DGKI: variants seen among roughly 807,000 people sequenced by gnomAD.
DGKI encodes the protein DAG kinase iota.
A neutral mutation model predicts 147.5 loss-of-function variants in DGKI; 55 were observed. The ratio of observed to expected loss-of-function variants is 0.37; its 90% confidence interval spans 0.30 to 0.47. The LOEUF is 0.47. Among genes scored for constraint, DGKI ranks in the 20% least tolerant of loss-of-function variants. The pLI is 1.00. For missense variants in DGKI, 1,007 were observed against 1,323.8 expected (o/e 0.76, Z 3.71); for synonymous variants, 469 against 477.1 (o/e 0.98, Z 0.22).
intron 3 of DGKI, among the ~76,000 whole-genome samples, chr7:137,670,367 C>A (rs894462373): frequency 3.3e-5 from 5 of 152,150 alleles, no homozygotes; most frequent in African/African-American, 9.7e-5. Flanking sequence ...GCACTTGGTA[C>A]CAAATTATAA....
chr7:137,608,292 CAG>C (rs1820249318), intron 10 of DGKI, among the ~76,000 whole-genome samples: 1 of 152,108 alleles, frequency 6.6e-6, no homozygotes, highest in African/African-American at 2.4e-5. Context: ...TAAGAAGCCT[CAG>C]AGAGTGGGAA....
intron 3 of DGKI, among the ~76,000 whole-genome samples, chr7:137,678,299 T>C (rs1823107130): frequency 6.6e-6 from 1 of 152,082 alleles, no homozygotes; most frequent in African/African-American, 2.4e-5. Flanking sequence ...CACAACAACC[T>C]ACCCTGGGCA....
At chr7:137,799,149 T>C (rs762402654) in intron 1 of DGKI, among the ~76,000 whole-genome samples, 3 of 152,176 alleles carry the variant, frequency 2.0e-5, no homozygotes, top group Non-Finnish European at 4.4e-5. Flanking sequence ...TACTGGTATA[T>C]TCATACAATT....
chr7:137,427,857 G>A (rs986557755), intron 28 of DGKI, among the ~76,000 whole-genome samples: 23 of 152,036 alleles, frequency 1.5e-4, no homozygotes, highest in African/African-American at 5.6e-4. Context: ...CCAGGAAGAA[G>A]TTGAATCTCT....
intron 1 of DGKI, among the ~76,000 whole-genome samples, chr7:137,803,059 G>C (rs1797262039): frequency 1.3e-5 from 2 of 152,210 alleles, no homozygotes; most frequent in South Asian, 4.1e-4. Context: ...AGGGAATCCA[G>C]AGGAAAGGCC....
chr7:137,441,248 G>C (rs137869411), intron 28 of DGKI, among the ~76,000 whole-genome samples: 1 of 151,536 alleles, frequency 6.6e-6, no homozygotes, highest in Non-Finnish European at 1.5e-5. Context: ...GTGAAACCCC[G>C]TCTCTACTAA....
intron 1 of DGKI, among the ~76,000 whole-genome samples, chr7:137,728,316 C>G (rs967876918): frequency 2.6e-5 from 4 of 152,118 alleles, no homozygotes; most frequent in African/African-American, 9.7e-5. Flanking sequence ...ACCACAAGCT[C>G]AGAAACCAGA....
intron 1 of DGKI, among the ~76,000 whole-genome samples, chr7:137,736,652 T>C (rs1226491151): frequency 1.3e-5 from 2 of 152,050 alleles, no homozygotes; most frequent in African/African-American, 2.4e-5. Context: ...AAATAACATC[T>C]AGGAAAAATA....
intron 6 of DGKI, among the ~76,000 whole-genome samples, chr7:137,638,556 A>ATATATACACACATATATG (rs1821466467): frequency 2.5e-4 from 27 of 106,594 alleles, no homozygotes; most frequent in South Asian, 8.4e-4. Flanking sequence ...ATATGTGTGT[A>ATATATACACACATATATG]TATATATACA....
chr7:137,448,967 G>A (rs1287889862), intron 27 of DGKI, among the ~76,000 whole-genome samples: 7 of 152,182 alleles, frequency 4.6e-5, no homozygotes, highest in African/African-American at 1.7e-4. Context: ...ATTAAGATAT[G>A]AAACATTGAT....
chr7:137,423,926 T>C (rs919654931), intron 28 of DGKI, among the ~76,000 whole-genome samples: 2 of 152,230 alleles, frequency 1.3e-5, no homozygotes, highest in African/African-American at 4.8e-5. Context: ...TGTGCAGCTT[T>C]ACATAGGTAT....
intron 21 of DGKI, chr7:137,493,743 G>A (rs552831020): frequency 1.7e-4 from 120 of 701,406 alleles, no homozygotes; most frequent in Middle Eastern, 5.3e-4. Flanking sequence ...GAACCAGCGC[G>A]AGAACTCTGG....
At chr7:137,662,292 G>A (rs963489559) in intron 3 of DGKI, among the ~76,000 whole-genome samples, 1 of 144,904 alleles carries the variant, frequency 6.9e-6, no homozygotes, top group Non-Finnish European at 1.5e-5. Flanking sequence ...GCCCGGGGTT[G>A]GAGTGCAGTG....
chr7:137,632,739 G>A (rs1037335843), intron 6 of DGKI, among the ~76,000 whole-genome samples: 2 of 151,996 alleles, frequency 1.3e-5, no homozygotes, highest in South Asian at 2.1e-4. Flanking sequence ...CACGCCTGTA[G>A]TCCCAGCTAC....
intron 1 of DGKI, among the ~76,000 whole-genome samples, chr7:137,787,467 T>C (rs888517487): frequency 2.0e-5 from 3 of 152,062 alleles, no homozygotes; most frequent in Non-Finnish European, 4.4e-5. Flanking sequence ...CATAAAGTAA[T>C]AGATGTTGGC....
chr7:137,622,195 G>T (rs1387261261), intron 7 of DGKI, among the ~76,000 whole-genome samples: 1 of 147,476 alleles, frequency 6.8e-6, no homozygotes, highest in Non-Finnish European at 1.5e-5. Context: ...ACATGTAGGA[G>T]GCTAGAGATA....
intron 10 of DGKI, among the ~76,000 whole-genome samples, chr7:137,605,654 C>A (rs1366516569): frequency 6.6e-6 from 1 of 152,102 alleles, no homozygotes. Context: ...CTGTCATTTG[C>A]AGCAACAAAG....
chr7:137,696,215 A>G (rs1401099976), intron 1 of DGKI, among the ~76,000 whole-genome samples: 1 of 152,184 alleles, frequency 6.6e-6, no homozygotes, highest in Admixed American at 6.5e-5. Context: ...TTATTCAAAC[A>G]GAAGATTTCC....
At chr7:137,456,640 C>T (rs558829357) in intron 27 of DGKI, among the ~76,000 whole-genome samples, 1 of 152,290 alleles carries the variant, frequency 6.6e-6, no homozygotes, top group South Asian at 2.1e-4. Flanking sequence ...AATATGGCTG[C>T]CAGCTTTTAC....
Sources: allele counts gnomAD v4.1 joint callset (sites outside exome capture counted in the v4.1 genomes callset), GRCh38; gene constraint gnomAD v4.1.1; transcripts MANE v1.5; gene names NCBI Gene and HGNC (gene_info 2026-07-23, HGNC 2026-07-21).